RGSL1: variants seen among roughly 807,000 people sequenced by gnomAD.
The protein encoded by RGSL1 is regulator of G protein signaling protein-like.
A neutral mutation model predicts 124.7 loss-of-function variants in RGSL1; 97 were observed. The observed-to-expected ratio is 0.78, with a 90% CI of 0.66 to 0.92. The LOEUF is 0.92. Ranked by LOEUF, RGSL1 falls within the 40% of genes least tolerant of loss-of-function variation. The pLI is 0.00. For synonymous variants in RGSL1, 424 were observed against 438.1 expected (o/e 0.97, Z 0.40); for missense variants, 1,233 against 1,288.4 (o/e 0.96, Z 0.66).
rs1489926999 is a variant in RGSL1, at chr1:182,460,123, C to A, written c.291C>A (p.Ser97=). Residue 97 remains serine, a synonymous_variant, in exon 4 of 22, where the codon TCC becomes TCA. Transcript: ENST00000294854. ...LCQEFISFIK[S]PEGGEELVDF... ...AGGAGTTCATCAGTTTCATTAAGTC[C>A]CCAGAAGGAGGTAAGCATTGGTGTG... 1.3e-6 allele frequency: 2 copies of A among 1,550,404 alleles called. No homozygotes were observed. The highest frequency in any genetic ancestry group is 3.9e-5 in the Admixed American group (2 of 50,864).
intron 15 of RGSL1, among the ~76,000 whole-genome samples, chr1:182,547,057 A>C (rs1174191521): frequency 6.6e-6 from 1 of 152,212 alleles, no homozygotes; most frequent in African/African-American, 2.4e-5. Flanking sequence ...TACTCACCCC[A>C]GTGATGGATT....
At chr1:182,553,697 G>A (rs911050271) in intron 19 of RGSL1, among the ~76,000 whole-genome samples, 156 bp downstream of exon 19, 1 of 152,174 alleles carries the variant, frequency 6.6e-6, no homozygotes, top group Non-Finnish European at 1.5e-5. Flanking sequence ...GAGTGGCAGA[G>A]AGGAGGTGAA....
At position 182,496,476 on chromosome 1, in the gene RGSL1, T is replaced by A. The variant is rs541878658; in HGVS notation, c.1825+3347T>A. 2.0e-5 allele frequency among the ~76,000 whole-genome samples: 3 copies of A among 152,328 alleles called. No homozygotes were observed. The South Asian group carries it at 6.2e-4, about 32-fold the overall frequency. On this transcript the variant is annotated intron_variant, in intron 9 of 21. Coordinates refer to ENST00000294854, the MANE Select transcript of RGSL1 (RefSeq NM_001137669.2). ...CTCAATAGCACATTGAAGTATTTTG[T>A]GAACAGTGTAGTTTTTTGCTGCAGA...
chr1:182,449,034 G>A (rs1232869080), upstream of RGSL1, among the ~76,000 whole-genome samples: 1 of 152,174 alleles, frequency 6.6e-6, no homozygotes, highest in East Asian at 1.9e-4. Flanking sequence ...CAAAAGAGGT[G>A]ATAATTCAAG....
At chr1:182,548,621 T>C (rs1660369069) in intron 16 of RGSL1, 79 bp from the exon 17 acceptor site, 3 of 1,530,458 alleles carry the variant, frequency 2.0e-6, no homozygotes, top group Admixed American at 4.2e-5. Context: ...GGGGTGGTCA[T>C]GGGGTTCTGG....
intron 10 of RGSL1, among the ~76,000 whole-genome samples, chr1:182,525,210 C>T (rs1287899924): frequency 6.6e-6 from 1 of 151,978 alleles, no homozygotes; most frequent in Non-Finnish European, 1.5e-5. Context: ...ATCCCAAATT[C>T]AACTTTAAAC....
chr1:182,533,732 T>C (rs1271200395), intron 14 of RGSL1, among the ~76,000 whole-genome samples: 3 of 152,214 alleles, frequency 2.0e-5, no homozygotes, highest in Non-Finnish European at 4.4e-5. Flanking sequence ...CAATAGCACA[T>C]GCTATAAGAG....
chr1:182,458,535 T>A, intron 3 of RGSL1, 142 bp downstream of exon 3: 1 of 685,612 alleles, frequency 1.5e-6, no homozygotes, highest in Non-Finnish European at 2.5e-6. Context: ...GGTGATGCGA[T>A]CTTAGCTCAC....
chr1:182,491,937 C>T (rs894435544), intron 8 of RGSL1, among the ~76,000 whole-genome samples: 4 of 152,276 alleles, frequency 2.6e-5, no homozygotes, highest in East Asian at 1.9e-4. Context: ...ATCTCAGCCT[C>T]ATTGTCTCAC....
chr1:182,553,947 T>C (rs910923417), intron 19 of RGSL1, among the ~76,000 whole-genome samples: 5 of 152,192 alleles, frequency 3.3e-5, no homozygotes, highest in Non-Finnish European at 1.5e-5. Context: ...CACCATTTCA[T>C]ACCTCCTGCT....
At chr1:182,449,404 C>A (rs1036431040), upstream of RGSL1, 1 of 152,196 alleles carries the variant, frequency 6.6e-6, no homozygotes, top group African/African-American at 2.4e-5. Context: ...ATATAAGCTT[C>A]CCTACAATCC....
chr1:182,469,896 AGC>A (rs1653682091), intron 4 of RGSL1, among the ~76,000 whole-genome samples: 1 of 152,210 alleles, frequency 6.6e-6, no homozygotes, highest in African/African-American at 2.4e-5. Context: ...AATTGAAGTA[AGC>A]CAGTCACAGA....
intron 3 of RGSL1, 126 bp from the exon 4 acceptor site, chr1:182,459,878 C>A: frequency 8.5e-7 from 1 of 1,171,936 alleles, no homozygotes; most frequent in Non-Finnish European, 1.2e-6. Flanking sequence ...TGTTTTTAAT[C>A]AACACACCTA....
chr1:182,509,903 A>G (rs1249574822), intron 9 of RGSL1, among the ~76,000 whole-genome samples: 77 of 124,172 alleles, frequency 6.2e-4, no homozygotes, highest in Middle Eastern at 5.1e-3. Context: ...CCGGGCGGAG[A>G]GGCTCCTCAC....
At chr1:182,470,422 T>A (rs572586903) in intron 4 of RGSL1, among the ~76,000 whole-genome samples, 5 of 152,142 alleles carry the variant, frequency 3.3e-5, no homozygotes, top group African/African-American at 1.2e-4. Context: ...TCCTTGCAAT[T>A]CCTCAAACAT....
intron 14 of RGSL1, among the ~76,000 whole-genome samples, chr1:182,538,199 T>C (rs1659667307): frequency 6.6e-6 from 1 of 152,178 alleles, no homozygotes; most frequent in African/African-American, 2.4e-5. Context: ...CAGTTCTTGG[T>C]ACTCTATCTT....
intron 8 of RGSL1, 29 bp downstream of exon 8, chr1:182,489,231 C>T (rs1485160245): frequency 2.0e-6 from 3 of 1,515,680 alleles, no homozygotes; most frequent in Admixed American, 4.0e-5. Context: ...ATTTTTTTGA[C>T]CTTTACATAT....
chr1:182,536,716 C>G (rs575905078), intron 14 of RGSL1, among the ~76,000 whole-genome samples: 1 of 152,154 alleles, frequency 6.6e-6, no homozygotes, highest in African/African-American at 2.4e-5. Context: ...AGGAGCAAGC[C>G]ACATCTTACG....
chr1:182,490,533 A>G (rs1444782995), intron 8 of RGSL1, among the ~76,000 whole-genome samples: 1 of 152,224 alleles, frequency 6.6e-6, no homozygotes, highest in East Asian at 1.9e-4. Context: ...TAGCATGAAC[A>G]GGCCCTCTTT....
Sources: allele counts gnomAD v4.1 joint callset (sites outside exome capture counted in the v4.1 genomes callset), GRCh38; gene constraint gnomAD v4.1.1; transcripts MANE v1.5; gene names NCBI Gene and HGNC (gene_info 2026-07-23, HGNC 2026-07-21).